SPMAP2L: variants seen among roughly 807,000 people sequenced by gnomAD.
SPMAP2L encodes the protein sperm microtubule associated protein 2 like, also known as sperm microtubule associated protein 2-like.
At chr4:56,554,705 C>G in the SPMAP2L span, among the ~76,000 whole-genome samples, 2 of 150,550 alleles carry the variant, frequency 1.3e-5, no homozygotes, top group South Asian at 4.1e-4. Context: ...GTGAATCATG[C>G]TTTTGGTGTT....
chr4:56,593,883 G>A, the SPMAP2L span: 18 of 1,610,514 alleles, frequency 1.1e-5, no homozygotes, highest in South Asian at 2.0e-4. Flanking sequence ...CATATTGCTA[G>A]GAGAGTACAT....
At chr4:56,544,093 A>C in the SPMAP2L span, among the ~76,000 whole-genome samples, 19 of 151,926 alleles carry the variant, frequency 1.3e-4, no homozygotes, top group South Asian at 4.0e-3. Context: ...GGCTCAAGTG[A>C]TTCTCGTGCC....
chr4:56,582,821 A>G, the SPMAP2L span, among the ~76,000 whole-genome samples: 1 of 152,254 alleles, frequency 6.6e-6, no homozygotes, highest in Non-Finnish European at 1.5e-5. Context: ...TCAAATGTTC[A>G]TCAATGGATA....
At chr4:56,573,221 C>T in the SPMAP2L span, among the ~76,000 whole-genome samples, 1 of 152,192 alleles carries the variant, frequency 6.6e-6, no homozygotes, top group East Asian at 1.9e-4. Flanking sequence ...TTGAATAGTG[C>T]TTTGTGAATT....
the SPMAP2L span, among the ~76,000 whole-genome samples, chr4:56,588,432 A>ATT: frequency 0.025 from 3,543 of 142,506 alleles, 148 homozygotes; most frequent in African/African-American, 0.085. Flanking sequence ...ATCTTCCAGA[A>ATT]TTTTTTTTTT....
At chr4:56,571,210 A>C in the SPMAP2L span, among the ~76,000 whole-genome samples, 226 of 152,098 alleles carry the variant, frequency 1.5e-3, 2 homozygotes, top group African/African-American at 5.2e-3. Context: ...GCTATCCAAA[A>C]ATATTTTTTC....
the SPMAP2L span, among the ~76,000 whole-genome samples, chr4:56,617,597 G>T: frequency 6.6e-6 from 1 of 152,248 alleles, no homozygotes; most frequent in African/African-American, 2.4e-5. Context: ...TAGGGGTGCC[G>T]TTTACAGCTG....
At chr4:56,559,470 T>C in the SPMAP2L span, 1 of 1,533,220 alleles carries the variant, frequency 6.5e-7, no homozygotes, top group South Asian at 1.2e-5. Context: ...CCAAAAGACT[T>C]GAGAACCTTG....
chr4:56,595,316 A>C, the SPMAP2L span: 1 of 1,611,990 alleles, frequency 6.2e-7, no homozygotes, highest in Non-Finnish European at 8.5e-7. Context: ...AGACTCCAGG[A>C]TTATGGATTT....
At chr4:56,584,666 T>C in the SPMAP2L span, 7 of 1,173,962 alleles carry the variant, frequency 6.0e-6, no homozygotes, top group African/African-American at 1.5e-5. Context: ...ACATGCTGCC[T>C]ACCCTCTTTT....
At chr4:56,600,097 C>CTTTTTTTTTTTTTTTTTTTT in the SPMAP2L span, among the ~76,000 whole-genome samples, 11 of 87,782 alleles carry the variant, frequency 1.3e-4, no homozygotes, top group African/African-American at 5.6e-4. Context: ...TCTTTGCTTT[C>CTTTTTTTTTTTTTTTTTTTT]TTTTTTTTTT....
At chr4:56,588,082 T>C in the SPMAP2L span, among the ~76,000 whole-genome samples, 1 of 152,210 alleles carries the variant, frequency 6.6e-6, no homozygotes, top group South Asian at 2.1e-4. Context: ...ATGTTGAGCA[T>C]TTTTTCATAT....
At chr4:56,545,865 T>G in the SPMAP2L span, among the ~76,000 whole-genome samples, 2 of 152,188 alleles carry the variant, frequency 1.3e-5, no homozygotes, top group Admixed American at 6.5e-5. Context: ...TGATCTCGGC[T>G]CACAGCAACT....
chr4:56,536,850 G>T, the SPMAP2L span, among the ~76,000 whole-genome samples: 6,092 of 152,076 alleles, frequency 0.04, 227 homozygotes, highest in Admixed American at 0.1. Context: ...TGCAAAGTCC[G>T]CCTCCTGGGT....
chr4:56,603,785 A>G, the SPMAP2L span, among the ~76,000 whole-genome samples: 4 of 152,172 alleles, frequency 2.6e-5, no homozygotes, highest in African/African-American at 9.7e-5. Context: ...CTTAGAAAAA[A>G]CACTGAAAAA....
At chr4:56,577,216 C>G in the SPMAP2L span, among the ~76,000 whole-genome samples, 1 of 151,546 alleles carries the variant, frequency 6.6e-6, no homozygotes, top group Non-Finnish European at 1.5e-5. Context: ...ACCAGCCTGG[C>G]CAACATGGTG....
At chr4:56,543,929 TGAGAGAGA>T in the SPMAP2L span, among the ~76,000 whole-genome samples, 610 of 131,424 alleles carry the variant, frequency 4.6e-3, 3 homozygotes, top group Non-Finnish European at 6.0e-3. Flanking sequence ...TGTGTGTATG[TGAGAGAGA>T]GAGAGAGAGA....
chr4:56,559,563 TTTG>T, the SPMAP2L span: 1 of 1,434,426 alleles, frequency 7.0e-7, no homozygotes, highest in Non-Finnish European at 9.1e-7. Flanking sequence ...CAGGAGGTTT[TTTG>T]TTGTTGTTTT....
chr4:56,591,427 A>G, the SPMAP2L span, among the ~76,000 whole-genome samples: 2 of 152,240 alleles, frequency 1.3e-5, no homozygotes, highest in African/African-American at 2.4e-5. Context: ...ACTAATACAC[A>G]AAACATGTGA....
Sources: gnomAD v4.1 joint callset for allele counts (sites outside exome capture counted in the v4.1 genomes callset) on GRCh38, gnomAD v4.1.1 for gene constraint, MANE v1.5 for transcripts, NCBI Gene and HGNC (gene_info 2026-07-23, HGNC 2026-07-21) for gene names.